The following PCDHA8 variants were observed in gnomAD, a reference collection of about 807,000 sequenced individuals.
PCDHA8 encodes the protein protocadherin alpha-8.
In PCDHA8, 53 loss-of-function variants were observed where a neutral mutation model predicts 61.8. The observed-to-expected ratio is 0.86, with a 90% confidence interval of 0.69 to 1.08. The LOEUF is 1.08. Among genes scored for constraint, PCDHA8 ranks in the 50% least tolerant of loss-of-function variants. The pLI is 0.00. For synonymous variants in PCDHA8, 618 were observed against 556.6 expected, an observed-to-expected ratio of 1.11 and a Z score of -1.55; for missense variants, 1,293 against 1,245.0, an observed-to-expected ratio of 1.04 and a Z score of -0.58.
In PCDHA8 at chr5:140,848,468, C is replaced by G. The variant is rs983897735; in HGVS notation, c.2394+4753C>G. 7.1e-6 allele frequency: 11 copies of G among 1,547,824 alleles called. 2 individuals are homozygous for G. Among genetic ancestry groups the G allele is most frequent in the Non-Finnish European group, 9.6e-6 (11 of 1,140,172 alleles). On this transcript the variant is annotated intron_variant, in intron 1 of 3. Transcript: ENST00000531613. The stretch of plus-strand genomic sequence containing the variant: ...TCTTCTAATTTGGAGGCAATTTTCA[C>G]TAATTAGAAGAAGACTGAGTATTTG...
At position 140,998,856 on chromosome 5, in the gene PCDHA8, C is replaced by T. The variant is rs77103467; in HGVS notation, c.2543-10771C>T. 2.6e-3 allele frequency among the ~76,000 whole-genome samples: 397 copies of T among 152,354 alleles called. 2 individuals carry two copies. Among genetic ancestry groups the T allele is most frequent in the African/African-American group, 9.1e-3 (380 of 41,584 alleles). ...TGGATTACTGGTGTGAGCCACATGC[C>T]TGGCCTTGTAAATAATAAGTTTAGT... On this transcript the variant is annotated intron_variant, in intron 3 of 3. Coordinates refer to ENST00000531613, the MANE Select transcript of PCDHA8 (RefSeq NM_018911.3).
intron 1 of PCDHA8, chr5:140,871,313 C>A (rs371295919): frequency 1.4e-5 from 23 of 1,613,924 alleles, no homozygotes; most frequent in African/African-American, 9.3e-5. Context: ...GGGAAGCCCA[C>A]GCTGGTGTGC....
In PCDHA8 at chr5:140,841,748, T is replaced by G. The variant is rs2150322169; in HGVS notation, c.427T>G (p.Ser143Ala). The G allele has an allele frequency of 7.4e-6, 12 of 1,613,846 alleles. No individual in the cohort carries two copies. Among genetic ancestry groups the G allele is most frequent in the Non-Finnish European group, 9.3e-6 (11 of 1,179,856 alleles). Reference sequence around the variant, plus strand: ...GGTAAAAGACCAAAAGCTGTTTGTTTCAGAATCCAGAATGCCAGACTCTCG... The same window carrying G: ...GGTAAAAGACCAAAAGCTGTTTGTTGCAGAATCCAGAATGCCAGACTCTCG... ...FRVKDQKLFV[S>A]ESRMPDSRFP... Residue 143 changes from serine (S) to alanine (A), a missense_variant, in exon 1 of 4, where the codon TCA (serine) becomes GCA (alanine). Physicochemically the swap from Ser to Ala is moderately conservative, Grantham distance 99 (BLOSUM62 1). Coordinates refer to ENST00000531613, the MANE Select transcript of PCDHA8 (RefSeq NM_018911.3).
chr5:140,913,531 A>T (rs1451484656), intron 1 of PCDHA8, among the ~76,000 whole-genome samples: 1 of 151,914 alleles, frequency 6.6e-6, no homozygotes, highest in Admixed American at 6.6e-5. Flanking sequence ...TTTTCAAAAG[A>T]TTGACTTTTT....
intron 1 of PCDHA8, among the ~76,000 whole-genome samples, chr5:140,975,638 C>T (rs1256768090): frequency 6.6e-6 from 1 of 152,130 alleles, no homozygotes; most frequent in Non-Finnish European, 1.5e-5. Context: ...ACGAAGATAG[C>T]ATATTATTTC....
At position 140,968,051 on chromosome 5, in the gene PCDHA8, C is replaced by A. The variant is rs1353005851; in HGVS notation, c.2395-10898C>A. On this transcript the variant is annotated intron_variant, in intron 1 of 3. Transcript: ENST00000531613. ...ACTGGTGGTGAGCGGCCCACTGGACCGAGAGCGGGTGGCTGTCTACAACAT... is the reference window on the plus strand; with the variant it reads ...ACTGGTGGTGAGCGGCCCACTGGACAGAGAGCGGGTGGCTGTCTACAACAT... The A allele has an allele frequency of 1.9e-6, 3 of 1,614,018 alleles. No homozygotes were observed. The Admixed American group carries it at 5.0e-5, about 27-fold the overall frequency.
rs2150356218 is a variant in PCDHA8 at position 140,843,262 on chromosome 5, G to T, written c.1941G>T (p.Leu647=). The part of the protein sequence containing the change: ...LDEADSPRHR[L]LVLVKDHGEP... ...AAGCGGACTCTCCGCGCCACCGTCT[G>T]CTGGTCCTGGTGAAGGATCATGGTG... Residue 647 remains leucine (L), a synonymous_variant, in exon 1 of 4, where the codon CTG becomes CTT. Transcript: ENST00000531613. 4 of 1,596,090 alleles carry T rather than the reference G, an allele frequency of 2.5e-6. No individual in the cohort carries two copies. The highest frequency in any genetic ancestry group is 1.7e-5 in the Admixed American group (1 of 59,346).
At chr5:140,845,612 G>A (rs1234666681) in intron 1 of PCDHA8, among the ~76,000 whole-genome samples, 1 of 149,312 alleles carries the variant, frequency 6.7e-6, no homozygotes, top group Non-Finnish European at 1.5e-5. Flanking sequence ...TAAGTATTGT[G>A]GATTCTGAAG....
intron 1 of PCDHA8, chr5:140,966,785 A>G: frequency 6.6e-7 from 1 of 1,522,872 alleles, no homozygotes. Flanking sequence ...GGCGGGCACC[A>G]GACCTGCGGC....
At chr5:140,870,817 G>A in intron 1 of PCDHA8, 6 of 1,613,726 alleles carry the variant, frequency 3.7e-6, no homozygotes, top group Non-Finnish European at 5.1e-6. Context: ...GGCTGGCAGC[G>A]CGGGAGGCGC....
chr5:140,883,710 A>C (rs782592824), intron 1 of PCDHA8: 1 of 1,613,516 alleles, frequency 6.2e-7, no homozygotes, highest in South Asian at 1.1e-5. Context: ...TCTGCTCAGG[A>C]CGCGGACGCA....
chr5:140,912,426 G>T (rs1349647535), intron 1 of PCDHA8, among the ~76,000 whole-genome samples: 1 of 151,784 alleles, frequency 6.6e-6, no homozygotes, highest in Non-Finnish European at 1.5e-5. Flanking sequence ...GTGTATAGCA[G>T]TGTTGCTGAT....
rs1012417649 is a variant in PCDHA8 at position 141,010,189 on chromosome 5, T to C, written c.*252T>C. On this transcript the variant is annotated 3_prime_UTR_variant, in exon 4 of 4. Coordinates refer to ENST00000531613, the MANE Select transcript of PCDHA8 (RefSeq NM_018911.3). ...AGAACCTAAAAAGCAGACCCAAGTT[T>C]CCTTTCTCCTCCGCCGCAAAGGAGA... 6 of 1,552,498 alleles carry C rather than the reference T, an allele frequency of 3.9e-6. No individual in the cohort carries two copies. Among genetic ancestry groups the C allele is most frequent in the Middle Eastern group, 1.7e-4 (1 of 5,994 alleles).
At chr5:140,945,569 A>C (rs575302416) in intron 1 of PCDHA8, among the ~76,000 whole-genome samples, 2 of 152,256 alleles carry the variant, frequency 1.3e-5, no homozygotes, top group South Asian at 4.1e-4. Context: ...ACATCATACT[A>C]CCTGGCTTCA....
At chr5:140,997,118 C>A (rs1319289091) in intron 3 of PCDHA8, among the ~76,000 whole-genome samples, 24 of 152,088 alleles carry the variant, frequency 1.6e-4, no homozygotes, top group Non-Finnish European at 3.1e-4. Context: ...TGCTCTCCCA[C>A]ATACACAATG....
intron 3 of PCDHA8, among the ~76,000 whole-genome samples, chr5:140,990,648 A>G (rs2097404919): frequency 2.0e-5 from 3 of 152,220 alleles, no homozygotes; most frequent in Admixed American, 1.3e-4. Flanking sequence ...CTCAGCCAGT[A>G]TGAATGATTT....
Position 140,982,457 on chromosome 5 carries a change from G to A in PCDHA8, c.2454-18G>A, listed in dbSNP as rs782510565. 6.2e-7 allele frequency: 1 copy of A among 1,613,966 alleles called. No homozygotes were observed. Among genetic ancestry groups the A allele is most frequent in the African/African-American group, 1.3e-5 (1 of 74,916 alleles). ...AATTTATGATCTAACCGTTATCTGG[G>A]TCTGTGTGTTTATTCAGCTCTGTGC... On this transcript the variant is annotated intron_variant, in intron 2 of 3. Transcript: ENST00000531613.
At position 140,850,278 on chromosome 5, in the gene PCDHA8, C is replaced by A. The variant is rs2150477296; in HGVS notation, c.2394+6563C>A. On this transcript the variant is annotated intron_variant, in intron 1 of 3. Transcript: ENST00000531613. ...CGCCGGCGTAGTGGTGGGGAAGGTG[C>A]GCGCAGTGGACGCCGACTCGGGCTA... is the stretch of plus-strand genomic sequence containing the variant. 5 of 1,595,340 alleles carry A rather than the reference C, an allele frequency of 3.1e-6. 1 individual carries two copies. Among genetic ancestry groups the A allele is most frequent in the South Asian group, 1.1e-5 (1 of 90,456 alleles).
chr5:140,879,100 T>C (rs2057854721), intron 1 of PCDHA8, among the ~76,000 whole-genome samples: 1 of 152,190 alleles, frequency 6.6e-6, no homozygotes, highest in African/African-American at 2.4e-5. Context: ...CTGCACAGTA[T>C]ATGGTGTAAT....
Sources: allele counts gnomAD v4.1 joint callset (sites outside exome capture counted in the v4.1 genomes callset), GRCh38; gene constraint gnomAD v4.1.1; transcripts MANE v1.5; gene names NCBI Gene and HGNC (gene_info 2026-07-23, HGNC 2026-07-21).